Variants in AP3B2 observed in about 807,000 individuals in gnomAD.
The protein encoded by AP3B2 is AP-3 complex subunit beta-2.
In AP3B2, 50 loss-of-function variants were observed where a neutral mutation model predicts 126.9. The ratio of observed to expected loss-of-function variants is 0.39; its 90% CI spans 0.31 to 0.50. The LOEUF is 0.50. AP3B2 is among the 20% of genes least tolerant of loss of function. The pLI is 0.79. For synonymous variants in AP3B2, 541 were observed against 565.0 expected (o/e 0.96, Z 0.60); for missense variants, 1,177 against 1,426.4 (o/e 0.83, Z 2.82).
At chr15:82,707,527 A>G (rs948958810) in intron 1 of AP3B2, among the ~76,000 whole-genome samples, 1 of 152,152 alleles carries the variant, frequency 6.6e-6, no homozygotes, top group Non-Finnish European at 1.5e-5. Context: ...TCTTGTTTAC[A>G]CTGCCGGTTT....
intron 1 of AP3B2, among the ~76,000 whole-genome samples, chr15:82,695,095 CTTT>C (rs747831776): frequency 0.24 from 32,304 of 133,518 alleles, 3,635 homozygotes; most frequent in East Asian, 0.31. Flanking sequence ...TTCTTTCTTT[CTTT>C]TTTTTTTTTT....
At chr15:82,666,164 G>A (rs1437634639) in intron 15 of AP3B2, among the ~76,000 whole-genome samples, 2 of 152,204 alleles carry the variant, frequency 1.3e-5, no homozygotes, top group African/African-American at 4.8e-5. Flanking sequence ...GTAGGTTCCT[G>A]GCTTCCACTC....
chr15:82,679,653 G>A (rs755104639), intron 10 of AP3B2, 76 bp downstream of exon 10: 95 of 1,341,882 alleles, frequency 7.1e-5, no homozygotes, highest in Non-Finnish European at 9.2e-5. Context: ...CACCAGGGGG[G>A]CCACTGTGAG....
chr15:82,694,638 T>C (rs965524621), intron 1 of AP3B2, among the ~76,000 whole-genome samples: 29 of 151,960 alleles, frequency 1.9e-4, no homozygotes, highest in Admixed American at 1.8e-3. Flanking sequence ...TGAGCTATGA[T>C]TGTGCTACTG....
intron 1 of AP3B2, chr15:82,699,622 G>A (rs756171369): frequency 6.5e-5 from 26 of 399,958 alleles, no homozygotes; most frequent in Admixed American, 1.3e-4. Context: ...GTTCCTGTGG[G>A]TTCCTCTATA....
intron 14 of AP3B2, among the ~76,000 whole-genome samples, chr15:82,668,011 C>G (rs2048087992): frequency 6.6e-6 from 1 of 152,196 alleles, no homozygotes; most frequent in Admixed American, 6.5e-5. Context: ...GGAACTGACT[C>G]TGTTCTTCCT....
At position 82,663,635 on chromosome 15, in the gene AP3B2, T is replaced by C. The variant is rs2047996654; in HGVS notation, c.2437-15A>G. 1 of 1,613,486 alleles carries C rather than the reference T, an allele frequency of 6.2e-7. No homozygotes were observed. The highest frequency in any genetic ancestry group is 8.5e-7 in the Non-Finnish European group (1 of 1,179,738). ...CTGCTGGGAGGCTGAAAGAGAAAAA[T>C]GGGATGTGGGTGTGGGGAAGGGGAG... On this transcript the variant is annotated splice_polypyrimidine_tract_variant and intron_variant, in intron 20 of 26. Coordinates refer to ENST00000535359, the MANE Select transcript of AP3B2 (RefSeq NM_001278512.2).
At chr15:82,679,831 A>G (rs1440742709) in intron 9 of AP3B2, 31 bp from the exon 10 acceptor site, 2 of 1,603,634 alleles carry the variant, frequency 1.2e-6, no homozygotes, top group South Asian at 2.2e-5. Flanking sequence ...AGGGAGCTCC[A>G]CCGAAGCCCC....
chr15:82,682,755 T>C (rs1297994418), intron 4 of AP3B2, among the ~76,000 whole-genome samples: 1 of 151,966 alleles, frequency 6.6e-6, no homozygotes, highest in Non-Finnish European at 1.5e-5. Context: ...TACAATATAC[T>C]GTAGTCTACT....
chr15:82,690,800 C>CCCG (rs1285042965), intron 1 of AP3B2, among the ~76,000 whole-genome samples: 6 of 151,700 alleles, frequency 4.0e-5, no homozygotes, highest in Non-Finnish European at 8.8e-5. Context: ...ACTACAGGTA[C>CCCG]CCGCCACCAC....
intron 1 of AP3B2, among the ~76,000 whole-genome samples, chr15:82,705,358 G>T (rs1007432700): frequency 1.3e-5 from 2 of 152,038 alleles, no homozygotes; most frequent in Non-Finnish European, 2.9e-5. Flanking sequence ...TCAAAAACCA[G>T]ACAAGTCTTA....
intron 23 of AP3B2, 86 bp downstream of exon 23, chr15:82,662,608 C>A: frequency 7.5e-7 from 1 of 1,324,532 alleles, no homozygotes; most frequent in East Asian, 2.5e-5. Flanking sequence ...GGCCCCTGGC[C>A]TGGCACAAGG....
chr15:82,669,596 G>A (rs1298335701), intron 14 of AP3B2, among the ~76,000 whole-genome samples: 1 of 151,996 alleles, frequency 6.6e-6, no homozygotes, highest in Non-Finnish European at 1.5e-5. Context: ...GGAGGCTGAG[G>A]CAGGAGAACC....
intron 1 of AP3B2, among the ~76,000 whole-genome samples, chr15:82,693,302 A>C (rs975975432): frequency 6.6e-6 from 1 of 150,648 alleles, no homozygotes; most frequent in African/African-American, 2.4e-5. Context: ...GCTGGAGTGC[A>C]ATGGCACGAT....
chr15:82,675,383 A>T (rs1596177164), intron 14 of AP3B2, among the ~76,000 whole-genome samples: 1 of 152,084 alleles, frequency 6.6e-6, no homozygotes, highest in Non-Finnish European at 1.5e-5. Flanking sequence ...TGCCTACCTC[A>T]CCTTGAGCCT....
chr15:82,666,286 A>G (rs1189879544), intron 15 of AP3B2, among the ~76,000 whole-genome samples: 2 of 152,248 alleles, frequency 1.3e-5, no homozygotes, highest in African/African-American at 2.4e-5. Context: ...GGCAAGGCTG[A>G]AGCCCTGGGG....
chr15:82,677,817 CAAAG>C lies in AP3B2; in HGVS notation c.1246-18_1246-15del, dbSNP rs762564491. On this transcript the variant is annotated splice_polypyrimidine_tract_variant and intron_variant, in intron 11 of 26. Coordinates refer to ENST00000535359, the MANE Select transcript of AP3B2 (RefSeq NM_001278512.2). ...GCGAATATAGGTCTGTGGGATATGACAAAGAAATCCCTCAGTGACTCTGCAGGCT... is the reference window on the plus strand; with the variant it reads ...GCGAATATAGGTCTGTGGGATATGACAAATCCCTCAGTGACTCTGCAGGCT... 9.5e-6 allele frequency: 15 copies of C among 1,578,046 alleles called. No individual in the cohort carries two copies. Among genetic ancestry groups the C allele is most frequent in the African/African-American group, 4.1e-5 (3 of 73,940 alleles).
rs2048336483 is a variant in AP3B2, at chr15:82,681,301, C to G, written c.521+119G>C. On this transcript the variant is annotated intron_variant, in intron 5 of 26. Transcript: ENST00000535359. The surrounding 1 kb of genome is among the most constrained non-coding windows in gnomAD (Gnocchi z 4.0). Reference sequence around the variant, plus strand: ...GTTCTCCTCCATCTCTGTCAGTCCCCCAAACTACCCTCCTCAAACCCTCTG... The same window carrying G: ...GTTCTCCTCCATCTCTGTCAGTCCCGCAAACTACCCTCCTCAAACCCTCTG... 5 of 1,529,082 alleles carry G rather than the reference C, an allele frequency of 3.3e-6. No individual in the cohort carries two copies. The Admixed American group carries it at 9.5e-5, about 29-fold the overall frequency. 94.7% of individuals were successfully genotyped at this position (1,529,082 alleles called of 1,614,324 possible). A position where few individuals can be genotyped will look rare whatever the true frequency, so the allele number is the denominator to read the frequency against.
chr15:82,670,490 G>A (rs1030350519), intron 14 of AP3B2, among the ~76,000 whole-genome samples: 6 of 152,126 alleles, frequency 3.9e-5, no homozygotes, highest in African/African-American at 1.4e-4. Flanking sequence ...CTGGGAAAAC[G>A]GGATATCCAC....
Sources: gnomAD v4.1 joint callset for allele counts (sites outside exome capture counted in the v4.1 genomes callset) on GRCh38, gnomAD v4.1.1 for gene constraint, Gnocchi (gnomAD v3.1) non-coding constraint, MANE v1.5 for transcripts, NCBI Gene and HGNC (gene_info 2026-07-23, HGNC 2026-07-21) for gene names.